Variants in AFF2 observed in about 807,000 individuals in gnomAD.
The protein encoded by AFF2 is AF4/FMR2 family member 2.
A neutral mutation model predicts 76.9 loss-of-function variants in AFF2; 14 were observed. The ratio of observed to expected loss-of-function variants is 0.18; its 90% confidence interval spans 0.12 to 0.28. The LOEUF (loss-of-function observed/expected upper bound fraction) is 0.28. AFF2 is among the 10% of genes least tolerant of loss of function. The pLI is 1.00. For missense variants in AFF2, 868 were observed against 1,001.1 expected, an observed-to-expected ratio of 0.87 and a Z score of 1.79; for synonymous variants, 398 against 366.7, an observed-to-expected ratio of 1.09 and a Z score of -0.98.
intron 7 of AFF2, among the ~76,000 whole-genome samples, chrX:148,885,029 A>G (rs113693509): frequency 8.9e-6 from 1 of 111,816 alleles, no homozygotes; most frequent in African/African-American, 3.3e-5. Flanking sequence ...GTATAAAGTT[A>G]TATATAATAA....
Position 148,998,805 on chromosome X carries a change from G to A in AFF2, c.*7473G>A, listed in dbSNP as rs193010493. The A allele has an allele frequency of 3.7e-5, 4 of 108,120 alleles. No homozygotes were observed. Among genetic ancestry groups the A allele is most frequent in the East Asian group, 2.9e-4 (1 of 3,431 alleles). 8.9% of individuals were successfully genotyped at this position (108,120 alleles called of 1,213,427 possible). A position where few individuals can be genotyped will look rare whatever the true frequency, so the allele number is the denominator to read the frequency against. Reference sequence around the variant, plus strand: ...TTTTCCATTATTTTTCGATGGGGGGGTTGTTATCATTGACTGAAGAAATAT... The same window carrying A: ...TTTTCCATTATTTTTCGATGGGGGGATTGTTATCATTGACTGAAGAAATAT... On this transcript the variant is annotated 3_prime_UTR_variant, in exon 21 of 21. Coordinates refer to ENST00000370460, the MANE Select transcript of AFF2 (RefSeq NM_002025.4).
chrX:148,772,708 G>A (rs2069604966), intron 3 of AFF2, among the ~76,000 whole-genome samples: 1 of 110,193 alleles, frequency 9.1e-6, no homozygotes, highest in Non-Finnish European at 1.9e-5. Context: ...CTAAGTGGAG[G>A]CAGTAAAGAT....
At chrX:148,512,173 C>CT (rs2124196877) in intron 1 of AFF2, among the ~76,000 whole-genome samples, 1 of 111,706 alleles carries the variant, frequency 9.0e-6, no homozygotes, top group African/African-American at 3.3e-5. Context: ...CATGATGGAC[C>CT]TTTTTAAAAA....
At chrX:148,593,963 T>G (rs189217380) in intron 1 of AFF2, among the ~76,000 whole-genome samples, 81 of 111,446 alleles carry the variant, frequency 7.3e-4, no homozygotes, top group African/African-American at 2.3e-3. Context: ...GAATGACCAC[T>G]ACCAAAACAA....
At chrX:148,533,796 T>C (rs997688161) in intron 1 of AFF2, among the ~76,000 whole-genome samples, 11 of 112,337 alleles carry the variant, frequency 9.8e-5, no homozygotes, top group African/African-American at 3.6e-4. Flanking sequence ...CATAAATTTG[T>C]CTTTCATAGT....
chrX:148,669,785 G>A (rs2054401599), intron 3 of AFF2, among the ~76,000 whole-genome samples: 1 of 111,170 alleles, frequency 9.0e-6, no homozygotes, highest in Non-Finnish European at 1.9e-5. Context: ...TTATTTTTTT[G>A]TGCATTCTTA....
At chrX:148,933,562 G>C (rs1001401927) in intron 9 of AFF2, among the ~76,000 whole-genome samples, 2 of 111,066 alleles carry the variant, frequency 1.8e-5, no homozygotes, top group East Asian at 5.7e-4. Context: ...GGTGATGAGC[G>C]GTGAAGAGTG....
chrX:148,528,771 C>A (rs782658823), intron 1 of AFF2, among the ~76,000 whole-genome samples: 1 of 111,452 alleles, frequency 9.0e-6, no homozygotes, highest in African/African-American at 3.3e-5. Flanking sequence ...CCAATGTATT[C>A]AAAAAGCCAT....
At chrX:148,501,208 G>C in intron 1 of AFF2, 64 bp downstream of exon 1, 1 of 1,185,276 alleles carries the variant, frequency 8.4e-7, no homozygotes. Flanking sequence ...TGAGGTTTTC[G>C]CCTTTGTTAA....
chrX:148,734,282 A>T lies in AFF2; in HGVS notation c.1041+71514A>T, dbSNP rs781926805. Among the ~76,000 whole-genome samples, 4 of 112,300 alleles carry T rather than the reference A, an allele frequency of 3.6e-5. No homozygotes were observed. The Admixed American group carries it at 3.8e-4, about 11-fold the overall frequency. On this transcript the variant is annotated intron_variant, in intron 3 of 20. Coordinates refer to ENST00000370460, the MANE Select transcript of AFF2 (RefSeq NM_002025.4). ...TAGTAGTGAGAGACCAGCCATTAAA[A>T]ATGGAAGAGGAAAGGAATAGTTAAT...
chrX:148,569,616 C>T (rs1267737636), intron 1 of AFF2, among the ~76,000 whole-genome samples: 5 of 110,795 alleles, frequency 4.5e-5, no homozygotes, highest in Admixed American at 2.9e-4. Flanking sequence ...TATGTTAGAA[C>T]CAAAGCTTTC....
At chrX:148,506,183 C>A (rs1227642227) in intron 1 of AFF2, among the ~76,000 whole-genome samples, 1 of 111,630 alleles carries the variant, frequency 9.0e-6, no homozygotes, top group Non-Finnish European at 1.9e-5. Context: ...GTGATGCAAT[C>A]CAGGTTTCAG....
chrX:148,806,308 G>A (rs782396031), intron 3 of AFF2, among the ~76,000 whole-genome samples: 10 of 112,281 alleles, frequency 8.9e-5, no homozygotes, highest in South Asian at 7.4e-4. Context: ...GTGCATCTCC[G>A]CAGGGGGCTC....
chrX:148,644,184 T>C (rs973471538), intron 1 of AFF2, among the ~76,000 whole-genome samples: 2 of 111,824 alleles, frequency 1.8e-5, no homozygotes, highest in Non-Finnish European at 3.8e-5. Context: ...ATAGTTAAGA[T>C]TTTAGACATA....
At chrX:148,802,567 C>T (rs781983801) in intron 3 of AFF2, among the ~76,000 whole-genome samples, 20 of 111,933 alleles carry the variant, frequency 1.8e-4, no homozygotes, top group Non-Finnish European at 3.2e-4. Flanking sequence ...ACTGGGTACT[C>T]GGAATATATT....
chrX:148,708,118 T>A (rs1231296460), intron 3 of AFF2, among the ~76,000 whole-genome samples: 4 of 112,252 alleles, frequency 3.6e-5, no homozygotes, highest in Admixed American at 9.5e-5. Flanking sequence ...TGTTGTTTTT[T>A]AATGCTTGCT....
intron 3 of AFF2, among the ~76,000 whole-genome samples, chrX:148,697,059 C>T (rs1557261355): frequency 8.9e-6 from 1 of 112,151 alleles, no homozygotes; most frequent in African/African-American, 3.2e-5. Flanking sequence ...GTTGTTTCCC[C>T]TATAAAATGA....
chrX:148,953,728 G>C lies in AFF2; in HGVS notation c.1546G>C (p.Ala516Pro), dbSNP rs1557286899. The C allele has an allele frequency of 8.3e-7, 1 of 1,205,400 alleles. No homozygotes were observed. The change falls in exon 10 of 21, where the codon GCA (alanine) becomes CCA (proline). Residue 516 changes from alanine (A) to proline (P), a missense_variant. Around this residue, in one of 6 missense-constraint regions of AFF2, gnomAD observed 532 missense variants for 564.2 expected, o/e 0.94. Transcript: ENST00000370460. ...CGAATCTAATGAGGCACCTCGTGTG[G>C]CAACTCCAGAGGTGAGTGAAGGTGC... ...DSESNEAPRVATPEPEPPSTN... is the reference protein window; with the variant it reads ...DSESNEAPRVPTPEPEPPSTN...
chrX:148,902,669 T>G (rs1354756474), intron 8 of AFF2, among the ~76,000 whole-genome samples: 1 of 111,477 alleles, frequency 9.0e-6, no homozygotes, highest in Non-Finnish European at 1.9e-5. Flanking sequence ...ATGGACAAGT[T>G]TTCATGTCCA....
Sources: gnomAD v4.1 joint callset for allele counts (sites outside exome capture counted in the v4.1 genomes callset) on GRCh38, gnomAD v4.1.1 for gene constraint, gnomAD v4.1.1 regional missense constraint, MANE v1.5 for transcripts, NCBI Gene and HGNC (gene_info 2026-07-23, HGNC 2026-07-21) for gene names.